CCDC171: variants seen among roughly 807,000 people sequenced by gnomAD.
CCDC171 encodes coiled-coil domain containing 171.
In CCDC171, 177 loss-of-function variants were observed where a neutral mutation model predicts 168.2. That is an observed-to-expected ratio of 1.05 (90% CI 0.93 to 1.19). The LOEUF is 1.19. CCDC171 is among the 50% of genes most tolerant of loss of function. CCDC171 has a pLI of 0.00. For missense variants in CCDC171, 1,991 were observed against 1,539.0 expected (o/e 1.29, Z -4.91); for synonymous variants, 687 against 540.8 (o/e 1.27, Z -3.75).
At chr9:15,719,320 G>T (rs1043822129) in intron 11 of CCDC171, among the ~76,000 whole-genome samples, 2 of 142,474 alleles carry the variant, frequency 1.4e-5, no homozygotes, top group Non-Finnish European at 3.0e-5. Context: ...AAAGAATGAA[G>T]CACTCCTACA....
chr9:15,626,460 G>A (rs201702740), intron 7 of CCDC171, among the ~76,000 whole-genome samples: 3 of 152,104 alleles, frequency 2.0e-5, no homozygotes, highest in African/African-American at 7.2e-5. Flanking sequence ...TTGTCATAAA[G>A]AGCTCTTATT....
intron 18 of CCDC171, among the ~76,000 whole-genome samples, chr9:15,772,253 C>T (rs1255169199): frequency 1.3e-5 from 2 of 152,140 alleles, no homozygotes; most frequent in Non-Finnish European, 2.9e-5. Context: ...TTCCAGTTTA[C>T]TCCATTAGTT....
intron 21 of CCDC171, among the ~76,000 whole-genome samples, chr9:15,791,976 A>G (rs142640329): frequency 9.1e-4 from 139 of 152,348 alleles, no homozygotes; most frequent in African/African-American, 3.2e-3. Flanking sequence ...TGGATGGAGA[A>G]TGACTTTGAT....
At chr9:16,059,577 C>T (rs1833899873) in intron 1 of CCDC171, among the ~76,000 whole-genome samples, 1 of 142,354 alleles carries the variant, frequency 7.0e-6, no homozygotes, top group Non-Finnish European at 1.5e-5. Context: ...TGCAGTGGCG[C>T]AATCTCGGCT....
intron 7 of CCDC171, among the ~76,000 whole-genome samples, chr9:15,637,515 A>G (rs1219137148): frequency 2.6e-5 from 4 of 151,710 alleles, no homozygotes; most frequent in Admixed American, 1.3e-4. Context: ...CATGTGCACA[A>G]TATGCCGGTT....
rs986072796 is a variant in CCDC171 at position 15,839,292 on chromosome 9, C to T, written c.3268-7410C>T. ...TAAATATATTAAAGTACCTTACTAA[C>T]TTTATGGAGTTTGATAAATAAGAGA... On this transcript the variant is annotated intron_variant, in intron 21 of 25. Coordinates refer to ENST00000380701, the MANE Select transcript of CCDC171 (RefSeq NM_173550.4). Among the ~76,000 whole-genome samples the T allele has an allele frequency of 2.0e-5, 3 of 152,184 alleles. No individual in the cohort carries two copies. The South Asian group carries it at 6.2e-4, about 32-fold the overall frequency.
intron 25 of CCDC171, among the ~76,000 whole-genome samples, chr9:15,941,986 C>G (rs1377767867): frequency 6.6e-6 from 1 of 151,816 alleles, no homozygotes; most frequent in African/African-American, 2.4e-5. Flanking sequence ...CATGCTCTCC[C>G]CCATGAGCCT....
chr9:16,097,306 C>T, the CCDC171 span, among the ~76,000 whole-genome samples: 3 of 152,168 alleles, frequency 2.0e-5, no homozygotes, highest in Admixed American at 2.0e-4. Flanking sequence ...AAGACACAAT[C>T]TAAGGGTGGA....
intron 1 of CCDC171, among the ~76,000 whole-genome samples, chr9:15,563,064 A>T (rs2039443040): frequency 6.6e-6 from 1 of 151,368 alleles, no homozygotes; most frequent in Non-Finnish European, 1.5e-5. Context: ...TGTTAGAAAG[A>T]ACTTGAACTT....
At chr9:15,653,837 A>C (rs984734672) in intron 7 of CCDC171, among the ~76,000 whole-genome samples, 1 of 151,968 alleles carries the variant, frequency 6.6e-6, no homozygotes, top group Non-Finnish European at 1.5e-5. Context: ...GGCTGGTCTC[A>C]AACTCTTGGC....
At chr9:15,941,270 G>A (rs1827700111) in intron 25 of CCDC171, among the ~76,000 whole-genome samples, 1 of 152,004 alleles carries the variant, frequency 6.6e-6, no homozygotes, top group Non-Finnish European at 1.5e-5. Context: ...AGTCAGGAAT[G>A]CATAGAAAGT....
At chr9:15,773,610 G>A (rs2057128167) in intron 18 of CCDC171, among the ~76,000 whole-genome samples, 1 of 152,024 alleles carries the variant, frequency 6.6e-6, no homozygotes, top group Admixed American at 6.6e-5. Context: ...ATTTACAACA[G>A]TCTAGACAAG....
intron 7 of CCDC171, among the ~76,000 whole-genome samples, chr9:15,624,593 C>T (rs1254262052): frequency 6.6e-6 from 1 of 152,004 alleles, no homozygotes; most frequent in Non-Finnish European, 1.5e-5. Context: ...ATAGTTTGCT[C>T]AGAATGATGG....
chr9:16,082,028 G>C, the CCDC171 span, among the ~76,000 whole-genome samples: 6 of 151,934 alleles, frequency 3.9e-5, no homozygotes, highest in African/African-American at 1.5e-4. Context: ...ATAACTAAAA[G>C]AACCTTTAAA....
At chr9:15,846,603 C>G (rs1055196461) in intron 21 of CCDC171, 99 bp from the exon 22 acceptor site, 104 of 1,253,146 alleles carry the variant, frequency 8.3e-5, no homozygotes, top group Middle Eastern at 5.9e-4. Flanking sequence ...AAGTCTACTT[C>G]TCAGTCAGTC....
intron 25 of CCDC171, among the ~76,000 whole-genome samples, chr9:15,931,005 A>G (rs542586567): frequency 1.6e-4 from 24 of 151,742 alleles, no homozygotes; most frequent in African/African-American, 4.8e-4. Context: ...CTAATATACA[A>G]CATTTTACTG....
At chr9:15,950,301 C>A (rs1184469296) in intron 25 of CCDC171, among the ~76,000 whole-genome samples, 1 of 152,062 alleles carries the variant, frequency 6.6e-6, no homozygotes, top group Non-Finnish European at 1.5e-5. Context: ...TCGAGAAGAG[C>A]AACTCCAAGA....
chr9:15,736,690 T>TTTCA (rs769446906), intron 16 of CCDC171, among the ~76,000 whole-genome samples: 1 of 151,430 alleles, frequency 6.6e-6, no homozygotes, highest in Admixed American at 6.6e-5. Flanking sequence ...TCTTTCTTTC[T>TTTCA]TTTTGAAACA....
chr9:15,912,188 A>T (rs950595963), intron 24 of CCDC171, among the ~76,000 whole-genome samples: 2 of 152,194 alleles, frequency 1.3e-5, no homozygotes, highest in Non-Finnish European at 1.5e-5. Context: ...TGAGCATGGA[A>T]TGTTTTTCCA....
Sources: gnomAD v4.1 joint callset for allele counts (sites outside exome capture counted in the v4.1 genomes callset) on GRCh38, gnomAD v4.1.1 for gene constraint, MANE v1.5 for transcripts, NCBI Gene and HGNC (gene_info 2026-07-23, HGNC 2026-07-21) for gene names.